NAF1: variants seen among roughly 807,000 people sequenced by gnomAD.
NAF1 encodes the protein nuclear assembly factor 1 ribonucleoprotein, also known as H/ACA ribonucleoprotein complex non-core subunit NAF1.
A neutral mutation model predicts 40.6 loss-of-function variants in NAF1; 11 were observed. The observed-to-expected ratio is 0.27, with a 90% confidence interval of 0.17 to 0.45. The LOEUF (loss-of-function observed/expected upper bound fraction) is 0.45, where lower values mean the gene tolerates loss of function less well. Among genes scored for constraint, NAF1 ranks in the 20% least tolerant of loss-of-function variants. The pLI is 1.00. For synonymous variants in NAF1, 260 were observed against 228.5 expected (o/e 1.14, Z -1.24); for missense variants, 607 against 611.1 (o/e 0.99, Z 0.07).
At chr4:163,136,227 G>C (rs1579149657) in intron 6 of NAF1, 1 of 151,852 alleles carries the variant, frequency 6.6e-6, no homozygotes, top group East Asian at 1.9e-4. Context: ...CCAGCACTTT[G>C]GGGAGCCAAG....
intron 2 of NAF1, among the ~76,000 whole-genome samples, chr4:163,154,858 A>T (rs1341661011): frequency 6.6e-6 from 1 of 151,276 alleles, no homozygotes; most frequent in Non-Finnish European, 1.5e-5. Flanking sequence ...GCGACAGAGC[A>T]AAAGACTCCA....
At chr4:163,164,597 G>T (rs1403411601) in intron 1 of NAF1, among the ~76,000 whole-genome samples, 1 of 152,118 alleles carries the variant, frequency 6.6e-6, no homozygotes, top group Non-Finnish European at 1.5e-5. Flanking sequence ...CTTCAAAACT[G>T]ATATGGTATT....
intron 6 of NAF1, chr4:163,133,544 G>A: frequency 3.5e-6 from 1 of 289,726 alleles, no homozygotes; most frequent in Admixed American, 4.6e-5. Context: ...GATGCAAAAG[G>A]GTGCCAAAGG....
chr4:163,108,072 AT>A (rs982953642), downstream of NAF1, among the ~76,000 whole-genome samples: 9 of 151,686 alleles, frequency 5.9e-5, no homozygotes, highest in African/African-American at 1.9e-4. Flanking sequence ...AATTAAGAAA[AT>A]TTTTTTTTCT....
At chr4:163,154,716 CA>C (rs1246401483) in intron 2 of NAF1, among the ~76,000 whole-genome samples, 1 of 151,822 alleles carries the variant, frequency 6.6e-6, no homozygotes, top group African/African-American at 2.4e-5. Context: ...ACTAAAAATA[CA>C]AAAATTAGCC....
At chr4:163,127,478 CTAA>C (rs1264179361), downstream of NAF1, among the ~76,000 whole-genome samples, 1 of 152,098 alleles carries the variant, frequency 6.6e-6, no homozygotes, top group African/African-American at 2.4e-5. Flanking sequence ...AGCTTGATGA[CTAA>C]TAATAACATG....
At chr4:163,138,923 T>C (rs1364044404) in intron 5 of NAF1, among the ~76,000 whole-genome samples, 4 of 152,166 alleles carry the variant, frequency 2.6e-5, no homozygotes, top group Admixed American at 2.0e-4. Context: ...TTTTAGAACA[T>C]ATTAATATCT....
intron 2 of NAF1, among the ~76,000 whole-genome samples, chr4:163,113,065 G>A (rs1560774703): frequency 6.6e-6 from 1 of 152,146 alleles, no homozygotes; most frequent in Non-Finnish European, 1.5e-5. Context: ...ACCATTAGTA[G>A]GAGGCCAGAT....
At chr4:163,145,427 A>C (rs747267156) in intron 4 of NAF1, among the ~76,000 whole-genome samples, 2 of 152,208 alleles carry the variant, frequency 1.3e-5, no homozygotes, top group Non-Finnish European at 2.9e-5. Context: ...AAAAATGCTT[A>C]AGAGCTACTA....
At chr4:163,142,309 A>G (rs74960053) in intron 4 of NAF1, among the ~76,000 whole-genome samples, 3,698 of 152,338 alleles carry the variant, frequency 0.024, 59 homozygotes, top group Non-Finnish European at 0.037. Context: ...AGATTTAAAA[A>G]TATCTTTTAA....
chr4:163,110,048 A>C (rs758736106), downstream of NAF1: 1 of 443,416 alleles, frequency 2.3e-6, no homozygotes, highest in African/African-American at 2.0e-5. Context: ...TTAAGTATGC[A>C]GATATGGAGA....
intron 2 of NAF1, among the ~76,000 whole-genome samples, chr4:163,154,394 C>CA (rs1253912442): frequency 1.3e-5 from 2 of 152,124 alleles, no homozygotes; most frequent in Admixed American, 1.3e-4. Context: ...ATAGTATATA[C>CA]AAAATATGTA....
chr4:163,134,885 C>T (rs1730996397), intron 6 of NAF1: 1 of 152,152 alleles, frequency 6.6e-6, no homozygotes, highest in Non-Finnish European at 1.5e-5. Context: ...AATTGAACAT[C>T]ATCTTAAGAG....
chr4:163,120,636 AAT>A lies in NAF1; in HGVS notation c.115-10348_115-10347del, dbSNP rs556518163. 8.0e-4 allele frequency among the ~76,000 whole-genome samples: 122 copies of A among 152,352 alleles called. 1 individual carries two copies. The highest frequency in any genetic ancestry group is 2.8e-3 in the African/African-American group (118 of 41,584). On this transcript the variant is annotated intron_variant, in intron 2 of 2. Transcript: ENST00000509434. Reference sequence around the variant, plus strand: ...GGCTTTCTGTACTAGCCTTCAAATAAATATGTGTGTACTTATACAGATAATAG... The same window carrying A: ...GGCTTTCTGTACTAGCCTTCAAATAAATGTGTGTACTTATACAGATAATAG...
At chr4:163,153,164 C>T (rs1731799044) in intron 2 of NAF1, among the ~76,000 whole-genome samples, 1 of 152,214 alleles carries the variant, frequency 6.6e-6, no homozygotes, top group Admixed American at 6.5e-5. Context: ...CCGAGCCTCC[C>T]GGACGAATAC....
chr4:163,121,693 T>C (rs187138249), intron 2 of NAF1, among the ~76,000 whole-genome samples: 1 of 152,326 alleles, frequency 6.6e-6, no homozygotes, highest in Admixed American at 6.5e-5. Flanking sequence ...TTTTAAGATC[T>C]AATATTTAAT....
intron 6 of NAF1, among the ~76,000 whole-genome samples, chr4:163,136,591 T>G (rs1231242252): frequency 6.6e-6 from 1 of 152,046 alleles, no homozygotes; most frequent in Non-Finnish European, 1.5e-5. Flanking sequence ...AATCATTAAC[T>G]TATTTACATA....
intron 1 of NAF1, among the ~76,000 whole-genome samples, chr4:163,165,778 G>A (rs1343646129): frequency 1.3e-5 from 2 of 152,146 alleles, no homozygotes; most frequent in East Asian, 1.9e-4. Context: ...AGGTGTGGGG[G>A]CAAGGGGGAA....
chr4:163,132,105 C>T (rs978680278), intron 7 of NAF1, among the ~76,000 whole-genome samples: 5 of 152,142 alleles, frequency 3.3e-5, no homozygotes, highest in Non-Finnish European at 7.3e-5. Context: ...ACTCATACAT[C>T]GCTGATAAAA....
Sources: allele counts gnomAD v4.1 joint callset (sites outside exome capture counted in the v4.1 genomes callset), GRCh38; gene constraint gnomAD v4.1.1; transcripts MANE v1.5; gene names NCBI Gene and HGNC (gene_info 2026-07-23, HGNC 2026-07-21).